CYRIB: variants seen among roughly 807,000 people sequenced by gnomAD.
The protein encoded by CYRIB is CYFIP-related Rac1 interactor B.
A neutral mutation model predicts 44.2 loss-of-function variants in CYRIB; 8 were observed. The observed-to-expected ratio is 0.18, with a 90% CI of 0.11 to 0.33. The LOEUF (loss-of-function observed/expected upper bound fraction) is 0.33. CYRIB is among the 10% of genes least tolerant of loss of function. CYRIB has a pLI of 1.00. For missense variants in CYRIB, 185 were observed against 382.8 expected, an observed-to-expected ratio of 0.48 and a Z score of 4.31; for synonymous variants, 131 against 127.2, an observed-to-expected ratio of 1.03 and a Z score of -0.20.
intron 1 of CYRIB, among the ~76,000 whole-genome samples, chr8:129,923,321 C>T (rs149891488): frequency 0.023 from 3,494 of 151,886 alleles, 145 homozygotes; most frequent in African/African-American, 0.079. Context: ...GTCACCCAGG[C>T]TGGAGTGCAA....
chr8:129,863,951 T>C (rs2051702647), intron 4 of CYRIB, among the ~76,000 whole-genome samples: 1 of 152,204 alleles, frequency 6.6e-6, no homozygotes. Context: ...ACCAAGAGGT[T>C]ATATGACATG....
intron 2 of CYRIB, among the ~76,000 whole-genome samples, chr8:129,887,903 CAT>C (rs1230197226): frequency 6.6e-6 from 1 of 152,172 alleles, no homozygotes. Context: ...TTTAAAGACT[CAT>C]AGGTGGAAGG....
exon 12 of CYRIB, chr8:129,839,956 C>G (rs1417215244): frequency 6.6e-6 from 1 of 152,268 alleles, no homozygotes; most frequent in African/African-American, 2.4e-5. Flanking sequence ...CAAGATCCTT[C>G]CTTGGGACAC....
In CYRIB at chr8:129,875,380, A is replaced by T. The variant is rs534286519; in HGVS notation, c.74-3884T>A. Among the ~76,000 whole-genome samples the T allele has an allele frequency of 4.7e-3, 715 of 150,620 alleles. 7 individuals carry two copies. The highest frequency in any genetic ancestry group is 0.016 in the African/African-American group (676 of 41,072). On this transcript the variant is annotated intron_variant, in intron 3 of 11. Transcript: ENST00000519824. ...ATCACTATTCCCAGCTAATTAAAAA[A>T]TTTTTTTTTTCATACAGATAGAGTC...
At chr8:130,011,094 C>T (rs1382126662) in intron 1 of CYRIB, among the ~76,000 whole-genome samples, 1 of 152,056 alleles carries the variant, frequency 6.6e-6, no homozygotes, top group Admixed American at 6.6e-5. Context: ...AGAGATCTGC[C>T]TTAGGAACCT....
chr8:129,992,138 T>C (rs1487211170), intron 1 of CYRIB, among the ~76,000 whole-genome samples: 1 of 151,122 alleles, frequency 6.6e-6, no homozygotes, highest in African/African-American at 2.4e-5. Context: ...CTGGGCAACA[T>C]AGCGAGACTC....
chr8:129,893,016 C>T (rs1588888783), intron 2 of CYRIB, among the ~76,000 whole-genome samples: 1 of 152,132 alleles, frequency 6.6e-6, no homozygotes, highest in African/African-American at 2.4e-5. Context: ...GAAGTATGCA[C>T]ACTCTTGTAT....
At chr8:129,871,924 A>G (rs945475491) in intron 3 of CYRIB, among the ~76,000 whole-genome samples, 6 of 152,158 alleles carry the variant, frequency 3.9e-5, no homozygotes, top group African/African-American at 9.7e-5. Context: ...AGTTTAAGAC[A>G]AACTATTTTT....
Position 129,923,296 on chromosome 8 carries a change from T to TA in CYRIB, c.-50+16311dup, listed in dbSNP as rs563767103. Among the ~76,000 whole-genome samples the TA allele has an allele frequency of 4.6e-4, 70 of 151,658 alleles. No homozygotes were observed. The South Asian group carries it at 0.01, about 22-fold the overall frequency. ...TTTATGTATGTATGTATGTTTGAGA[T>TA]AGAGTTTCGCTCTTGTCACCCAGGC... On this transcript the variant is annotated intron_variant, in intron 1 of 11. Coordinates refer to ENST00000519824, the Ensembl canonical transcript of CYRIB.
At chr8:129,970,774 G>A (rs1035252006) in intron 2 of CYRIB, 169 bp downstream of exon 2, 98 of 152,254 alleles carry the variant, frequency 6.4e-4, no homozygotes, top group African/African-American at 2.3e-3. Flanking sequence ...ATGAAGGGGT[G>A]TATATGTATT....
At chr8:129,879,598 C>A (rs1325186231) in intron 2 of CYRIB, 127 bp from the exon 5 acceptor site, 11 of 694,748 alleles carry the variant, frequency 1.6e-5, no homozygotes, top group Non-Finnish European at 2.6e-5. Context: ...TCAGGTTACC[C>A]AGACTGTGCT....
chr8:129,951,016 T>C (rs893256297), intron 2 of CYRIB, among the ~76,000 whole-genome samples: 1 of 152,164 alleles, frequency 6.6e-6, no homozygotes, highest in African/African-American at 2.4e-5. Context: ...TAAAGTTACA[T>C]AGTCCTGGCC....
intron 1 of CYRIB, among the ~76,000 whole-genome samples, chr8:129,928,203 G>T (rs931280108): frequency 2.0e-5 from 3 of 151,792 alleles, no homozygotes; most frequent in Admixed American, 2.0e-4. Flanking sequence ...GCCAAGTGTG[G>T]TGGCACACGT....
At chr8:129,846,197 TAAGAA>T (rs1586867652) in intron 11 of CYRIB, among the ~76,000 whole-genome samples, 1 of 152,162 alleles carries the variant, frequency 6.6e-6, no homozygotes, top group Admixed American at 6.5e-5. Flanking sequence ...AAAACTAATC[TAAGAA>T]AAGACATTAA....
At chr8:129,909,964 G>C (rs560394680) in intron 1 of CYRIB, among the ~76,000 whole-genome samples, 4 of 152,358 alleles carry the variant, frequency 2.6e-5, no homozygotes, top group African/African-American at 9.6e-5. Flanking sequence ...GTTTCTGTCA[G>C]ACTGGAGTGG....
chr8:129,894,367 A>C (rs1359899442), intron 2 of CYRIB: 1 of 152,194 alleles, frequency 6.6e-6, no homozygotes, highest in Non-Finnish European at 1.5e-5. Flanking sequence ...GTATTTTCTT[A>C]TCAGTAAAAA....
chr8:129,868,311 A>C (rs762985744), intron 4 of CYRIB, among the ~76,000 whole-genome samples: 8 of 152,210 alleles, frequency 5.3e-5, no homozygotes, highest in Non-Finnish European at 1.2e-4. Context: ...GTAGATTTAA[A>C]TGCAGCTTTT....
intron 3 of CYRIB, among the ~76,000 whole-genome samples, chr8:129,872,180 T>C (rs946942059): frequency 1.3e-5 from 2 of 152,122 alleles, no homozygotes; most frequent in African/African-American, 4.8e-5. Context: ...GGATTTCAAG[T>C]TATAAAACTG....
intron 1 of CYRIB, among the ~76,000 whole-genome samples, chr8:130,011,018 A>C (rs1350193555): frequency 6.6e-6 from 1 of 152,036 alleles, no homozygotes; most frequent in Non-Finnish European, 1.5e-5. Context: ...TGCTTCTACC[A>C]CCTAGAAGCC....
Sources: gnomAD v4.1 joint callset for allele counts (sites outside exome capture counted in the v4.1 genomes callset) on GRCh38, gnomAD v4.1.1 for gene constraint, MANE v1.5 for transcripts, NCBI Gene and HGNC (gene_info 2026-07-23, HGNC 2026-07-21) for gene names.